The following PDE4B variants were observed in gnomAD, a reference collection of about 807,000 sequenced individuals.
PDE4B encodes the protein 3',5'-cyclic-AMP phosphodiesterase 4B.
PDE4B carries 20 observed loss-of-function variants against 82.2 expected under a neutral mutation model. That is an observed-to-expected ratio of 0.24 (90% CI 0.17 to 0.35). PDE4B has a LOEUF of 0.35. Among genes scored for constraint, PDE4B ranks in the 10% least tolerant of loss-of-function variants. PDE4B has a pLI of 1.00. For missense variants in PDE4B, 655 were observed against 907.2 expected, an observed-to-expected ratio of 0.72 and a Z score of 3.57; for synonymous variants, 320 against 318.9, an observed-to-expected ratio of 1.00 and a Z score of -0.04.
intron 3 of PDE4B, among the ~76,000 whole-genome samples, chr1:66,078,915 A>G (rs756567004): frequency 6.6e-6 from 1 of 152,114 alleles, no homozygotes; most frequent in East Asian, 1.9e-4. Flanking sequence ...ATGGATGAGC[A>G]TAAAGGAGAG....
chr1:65,960,048 C>T (rs11208780), intron 3 of PDE4B, among the ~76,000 whole-genome samples: 122 of 152,194 alleles, frequency 8.0e-4, no homozygotes, highest in Non-Finnish European at 1.3e-3. Flanking sequence ...TAACAAAATA[C>T]AAAATGCTTT....
At chr1:65,991,138 C>A (rs3949210) in intron 3 of PDE4B, among the ~76,000 whole-genome samples, 1 of 151,218 alleles carries the variant, frequency 6.6e-6, no homozygotes, top group Non-Finnish European at 1.5e-5. Context: ...AGTGCAGTGG[C>A]GTGATCTTGG....
chr1:66,356,921 C>T (rs1302730267), intron 9 of PDE4B, among the ~76,000 whole-genome samples: 1 of 152,216 alleles, frequency 6.6e-6, no homozygotes, highest in Non-Finnish European at 1.5e-5. Context: ...CCAGAGGTGC[C>T]TGGAATCTAA....
chr1:66,254,017 A>G (rs969288438), intron 4 of PDE4B, among the ~76,000 whole-genome samples: 3 of 152,216 alleles, frequency 2.0e-5, no homozygotes, highest in African/African-American at 7.2e-5. Flanking sequence ...AACTCATTCA[A>G]CAGTACATCA....
chr1:66,199,147 A>G (rs1357597582), intron 3 of PDE4B, among the ~76,000 whole-genome samples: 1 of 151,764 alleles, frequency 6.6e-6, no homozygotes, highest in African/African-American at 2.4e-5. Flanking sequence ...GGCTGGGTCA[A>G]ATGGTATTTC....
chr1:66,137,447 T>C (rs1203299274), intron 3 of PDE4B, among the ~76,000 whole-genome samples: 2 of 152,190 alleles, frequency 1.3e-5, no homozygotes, highest in Non-Finnish European at 2.9e-5. Context: ...CTCACTGAAA[T>C]AGGGGATAAG....
intron 1 of PDE4B, among the ~76,000 whole-genome samples, chr1:65,817,161 T>A (rs1645896026): frequency 6.6e-6 from 1 of 152,158 alleles, no homozygotes; most frequent in Non-Finnish European, 1.5e-5. Context: ...AAAATAATCA[T>A]AAGAGGGTGA....
chr1:66,345,921 A>G lies in PDE4B; in HGVS notation c.748-9606A>G, dbSNP rs537393039. Among the ~76,000 whole-genome samples, 3 of 152,350 alleles carry G rather than the reference A, an allele frequency of 2.0e-5. No homozygotes were observed. The South Asian group carries it at 6.2e-4, about 32-fold the overall frequency. On this transcript the variant is annotated intron_variant, in intron 8 of 16. Coordinates refer to ENST00000341517, the MANE Select transcript of PDE4B (RefSeq NM_002600.4). ...GGACCAGTGCTTTCTTCCTGTGAGC[A>G]GAAATGTGAAGCATGGTTTTGGTTG... is the stretch of plus-strand genomic sequence containing the variant.
At chr1:66,310,146 G>A (rs1057377847) in intron 7 of PDE4B, among the ~76,000 whole-genome samples, 4 of 152,140 alleles carry the variant, frequency 2.6e-5, no homozygotes, top group African/African-American at 7.2e-5. Context: ...GGTAAGCCCT[G>A]TGCCTTTCTG....
At chr1:66,236,556 C>G (rs142222548) in intron 3 of PDE4B, among the ~76,000 whole-genome samples, 9 of 152,194 alleles carry the variant, frequency 5.9e-5, no homozygotes, top group African/African-American at 2.2e-4. Flanking sequence ...ATTCCTTCAA[C>G]TTTCATATGT....
intron 3 of PDE4B, among the ~76,000 whole-genome samples, chr1:66,129,501 C>CA (rs569322762): frequency 9.1e-4 from 136 of 148,638 alleles, no homozygotes; most frequent in Admixed American, 2.9e-3. Context: ...ACTAAAAATA[C>CA]AAAAAAAAAT....
At chr1:66,159,052 G>A (rs1646557783) in intron 3 of PDE4B, among the ~76,000 whole-genome samples, 1 of 152,122 alleles carries the variant, frequency 6.6e-6, no homozygotes, top group Non-Finnish European at 1.5e-5. Context: ...TAATAAAAAT[G>A]TATTGTATAT....
chr1:65,868,700 A>G (rs1646539720), intron 1 of PDE4B, among the ~76,000 whole-genome samples: 1 of 152,164 alleles, frequency 6.6e-6, no homozygotes, highest in Admixed American at 6.5e-5. Flanking sequence ...GTGGCCTGTT[A>G]GGAATTGGGC....
intron 3 of PDE4B, among the ~76,000 whole-genome samples, chr1:65,998,139 C>T (rs1055220357): frequency 1.3e-5 from 2 of 152,028 alleles, no homozygotes; most frequent in Middle Eastern, 3.4e-3. Flanking sequence ...CATATAAAAC[C>T]CCCTGAGTTA....
At chr1:65,911,891 C>G (rs186968231) in intron 1 of PDE4B, among the ~76,000 whole-genome samples, 1 of 152,166 alleles carries the variant, frequency 6.6e-6, no homozygotes, top group Non-Finnish European at 1.5e-5. Context: ...AAATTCAACC[C>G]TGGTTTCCTG....
chr1:66,334,570 C>A (rs562807602), intron 8 of PDE4B, among the ~76,000 whole-genome samples: 1 of 152,322 alleles, frequency 6.6e-6, no homozygotes, highest in South Asian at 2.1e-4. Context: ...AAAGGGCTAA[C>A]CTTCAATGCT....
intron 3 of PDE4B, among the ~76,000 whole-genome samples, chr1:66,009,543 G>A (rs1445716396): frequency 6.6e-6 from 1 of 151,988 alleles, no homozygotes; most frequent in African/African-American, 2.4e-5. Flanking sequence ...ATCTACCCTG[G>A]TCTCTACCTA....
At chr1:65,864,836 C>T (rs565829829) in intron 1 of PDE4B, among the ~76,000 whole-genome samples, 86 of 152,304 alleles carry the variant, frequency 5.6e-4, no homozygotes, top group African/African-American at 1.8e-3. Context: ...TTAGGAGGCA[C>T]GGGGTTCAGG....
chr1:66,121,423 G>A (rs1224433496), intron 3 of PDE4B, among the ~76,000 whole-genome samples: 1 of 152,096 alleles, frequency 6.6e-6, no homozygotes, highest in Non-Finnish European at 1.5e-5. Flanking sequence ...TGGGAAATGA[G>A]CCAGAGGGGA....
Sources: gnomAD v4.1 joint callset for allele counts (sites outside exome capture counted in the v4.1 genomes callset) on GRCh38, gnomAD v4.1.1 for gene constraint, MANE v1.5 for transcripts, NCBI Gene and HGNC (gene_info 2026-07-23, HGNC 2026-07-21) for gene names.